SLC6A19: variants seen among roughly 807,000 people sequenced by gnomAD.
SLC6A19 encodes the protein sodium-dependent neutral amino acid transporter B(0)AT1.
A neutral mutation model predicts 68.3 loss-of-function variants in SLC6A19; 67 were observed. That is an observed-to-expected ratio of 0.98 (90% confidence interval 0.81 to 1.20). The LOEUF (loss-of-function observed/expected upper bound fraction) is 1.20. SLC6A19 is among the 50% of genes most tolerant of loss of function. SLC6A19 has a pLI of 0.00. For synonymous variants in SLC6A19, 392 were observed against 374.9 expected, an observed-to-expected ratio of 1.05 and a Z score of -0.53; for missense variants, 813 against 851.6, an observed-to-expected ratio of 0.95 and a Z score of 0.56.
In SLC6A19 at chr5:1,213,989, G is replaced by A. The variant is rs373886749; in HGVS notation, c.811G>A (p.Ala271Thr). The A allele has an allele frequency of 2.7e-5, 43 of 1,613,468 alleles. No homozygotes were observed. Among genetic ancestry groups the A allele is most frequent in the Non-Finnish European group, 3.4e-5 (40 of 1,180,012 alleles). Residue 271 changes from alanine (A) to threonine (T), a missense_variant, in exon 6 of 12, where the codon GCG becomes ACG. Transcript: ENST00000304460. ...ELAQPDTWLD[A>T]GAQVFFSFSL... ...GGCCCAGCCGGACACCTGGCTGGAC[G>A]CGGGCGCACAGGTCTTCTTCTCCTT... is the stretch of plus-strand genomic sequence containing the variant.
intron 1 of SLC6A19, among the ~76,000 whole-genome samples, chr5:1,202,949 TTGG>T: frequency 6.6e-6 from 1 of 152,110 alleles, no homozygotes; most frequent in South Asian, 2.1e-4. Flanking sequence ...TCGGGGGACC[TTGG>T]CCACTCCGAT....
At position 1,221,304 on chromosome 5, in the gene SLC6A19, C is replaced by A. The variant is rs1252243762; in HGVS notation, c.1692C>A (p.Asp564Glu). 5.0e-6 allele frequency: 8 copies of A among 1,613,590 alleles called. No individual in the cohort carries two copies. The East Asian group carries it at 1.8e-4, about 36-fold the overall frequency. Residue 564 changes from aspartate to glutamate, a missense_variant, in exon 11 of 12, where the codon GAC becomes GAA. Transcript: ENST00000304460. Reference protein sequence around the residue: ...VSQELTYSIWDPGYEEFPKSQ... With the variant: ...VSQELTYSIWEPGYEEFPKSQ... ...AGGAGCTGACCTACAGCATCTGGGA[C>A]CCTGGCTACGTAAGTGTCCAGGCAG...
chr5:1,215,896 A>G lies in SLC6A19; in HGVS notation c.888-662A>G, dbSNP rs138237686. 1.3e-5 allele frequency among the ~76,000 whole-genome samples: 2 copies of G among 152,212 alleles called. No individual in the cohort carries two copies. Among genetic ancestry groups the G allele is most frequent in the Non-Finnish European group, 2.9e-5 (2 of 68,010 alleles). On this transcript the variant is annotated intron_variant, in intron 6 of 11. Transcript: ENST00000304460. The surrounding 1 kb of genome is among the most constrained non-coding windows in gnomAD (Gnocchi z 5.1). ...CCCCGTATCCTCACCAACACTTGTT[A>G]TTGTCTGACTTTTGTTTCTGGCCAT...
rs1746163503 is a variant in SLC6A19 at position 1,214,855 on chromosome 5, C to T, written c.887+790C>T. Among the ~76,000 whole-genome samples, 1 of 99,754 alleles carries T rather than the reference C, an allele frequency of 1.0e-5. No individual in the cohort carries two copies. Among genetic ancestry groups the T allele is most frequent in the Non-Finnish European group, 2.0e-5 (1 of 49,218 alleles). 65.4% of individuals were successfully genotyped at this position (99,754 alleles called of 152,430 possible). A position where few individuals can be genotyped will look rare whatever the true frequency, so the allele number is the denominator to read the frequency against. On this transcript the variant is annotated intron_variant, in intron 6 of 11. Transcript: ENST00000304460. This position sits in a 1 kb window ranked among gnomAD's most constrained non-coding sequence, Gnocchi z 7.4. Reference sequence around the variant, plus strand: ...GGGTGGGGCCTAGACTGGACGGGGGCCTGGGTAGGGAGGGTGGGCCCTGGG... The same window carrying T: ...GGGTGGGGCCTAGACTGGACGGGGGTCTGGGTAGGGAGGGTGGGCCCTGGG...
At position 1,209,303 on chromosome 5, in the gene SLC6A19, G is replaced by A. The variant is rs1349482755; in HGVS notation, c.343+417G>A. On this transcript the variant is annotated intron_variant, in intron 2 of 11. Coordinates refer to ENST00000304460, the MANE Select transcript of SLC6A19 (RefSeq NM_001003841.3). This position sits in a 1 kb window ranked among gnomAD's most constrained non-coding sequence, Gnocchi z 5.5. ...CCCAGACATAGTCACTCATTTATAA[G>A]CTCTGGGGCCCAGGAGCAGACCCAG... Among the ~76,000 whole-genome samples, 1 of 152,150 alleles carries A rather than the reference G, an allele frequency of 6.6e-6. No individual in the cohort carries two copies. The highest frequency in any genetic ancestry group is 1.5e-5 in the Non-Finnish European group (1 of 68,018).
chr5:1,201,907 C>A, intron 1 of SLC6A19, 55 bp downstream of exon 1: 1 of 1,565,388 alleles, frequency 6.4e-7, no homozygotes, highest in Non-Finnish European at 8.6e-7. Flanking sequence ...AGCACAGACA[C>A]ACGCAGAGGC....
intron 1 of SLC6A19, among the ~76,000 whole-genome samples, chr5:1,204,915 GA>G (rs199702903): frequency 4.0e-5 from 5 of 124,402 alleles, no homozygotes; most frequent in African/African-American, 1.3e-4. Flanking sequence ...GCTGGAGAGA[GA>G]AAAAAGGGGA....
rs1746057182 is a variant in SLC6A19, at chr5:1,212,162, C to G, written c.482-141C>G. On this transcript the variant is annotated intron_variant, in intron 3 of 11. Transcript: ENST00000304460. The surrounding 1 kb of genome is among the most constrained non-coding windows in gnomAD (Gnocchi z 5.1). Reference sequence around the variant, plus strand: ...TGTGCGTGCACGTGAGCATGTGTGCCTGTGTTCATGTGCACGTGTGGGCGT... The same window carrying G: ...TGTGCGTGCACGTGAGCATGTGTGCGTGTGTTCATGTGCACGTGTGGGCGT... 2 of 955,934 alleles carry G rather than the reference C, an allele frequency of 2.1e-6. No homozygotes were observed. The highest frequency in any genetic ancestry group is 3.3e-6 in the Non-Finnish European group (2 of 611,414). 59.2% of individuals were successfully genotyped at this position (955,934 alleles called of 1,614,324 possible).
At chr5:1,216,996 C>G in intron 8 of SLC6A19, 51 bp downstream of exon 8, 1 of 1,609,756 alleles carries the variant, frequency 6.2e-7, no homozygotes, top group Non-Finnish European at 8.5e-7. Context: ...CTTGCTGGCA[C>G]CTCAGAGTCC....
intron 8 of SLC6A19, among the ~76,000 whole-genome samples, chr5:1,217,956 C>T (rs1746252868): frequency 6.6e-6 from 1 of 152,174 alleles, no homozygotes; most frequent in Admixed American, 6.5e-5. Flanking sequence ...GCAGGGCTGC[C>T]CTCGGCAGTG....
chr5:1,212,368 A>C lies in SLC6A19; in HGVS notation c.547A>C (p.Ile183Leu), dbSNP rs375770616. The change falls in exon 4 of 12, where the codon ATC becomes CTC. Residue 183 changes from isoleucine (I) to leucine (L), a missense_variant. By Grantham distance (5) the Ile-to-Leu change is conservative (BLOSUM62 2). Transcript: ENST00000304460. The surrounding 1 kb of genome is among the most constrained non-coding windows in gnomAD (Gnocchi z 5.1). ...DYFWYRETLN[I>L]STSISDSGSI... ...CTTCTGGTACCGAGAGACGCTCAAC[A>C]TCTCCACGTCCATCAGCGACTCGGG... The C allele has an allele frequency of 2.5e-6, 4 of 1,613,424 alleles. No individual in the cohort carries two copies. The highest frequency in any genetic ancestry group is 1.7e-6 in the Non-Finnish European group (2 of 1,179,950).
chr5:1,216,430 G>C, intron 6 of SLC6A19, 128 bp from the exon 7 acceptor site: 2 of 1,383,084 alleles, frequency 1.4e-6, no homozygotes, highest in South Asian at 2.4e-5. Flanking sequence ...CTGCCTCCCC[G>C]TGTCACTCAG....
chr5:1,216,711 G>T, intron 7 of SLC6A19, 25 bp downstream of exon 7: 1 of 1,613,688 alleles, frequency 6.2e-7, no homozygotes, highest in Non-Finnish European at 8.5e-7. Context: ...CACCATCCTG[G>T]TGCCTTGGGC....
At chr5:1,203,316 C>A (rs1745766602) in intron 1 of SLC6A19, among the ~76,000 whole-genome samples, 1 of 152,312 alleles carries the variant, frequency 6.6e-6, no homozygotes, top group African/African-American at 2.4e-5. Flanking sequence ...CACCCAGAGA[C>A]CAGCCGCTGT....
At chr5:1,211,419 G>A (rs893041320) in intron 3 of SLC6A19, among the ~76,000 whole-genome samples, 7 of 152,262 alleles carry the variant, frequency 4.6e-5, no homozygotes, top group African/African-American at 1.7e-4. Flanking sequence ...GCCCCAGCCC[G>A]GGAGCGCAAA....
At chr5:1,203,463 G>A (rs2126490354) in intron 1 of SLC6A19, among the ~76,000 whole-genome samples, 1 of 152,274 alleles carries the variant, frequency 6.6e-6, no homozygotes, top group African/African-American at 2.4e-5. Context: ...GGTGAGGAGG[G>A]CCGAGCAGGG....
chr5:1,212,380 A>C lies in SLC6A19; in HGVS notation c.559A>C (p.Ile187Leu), dbSNP rs1323137918. The C allele has an allele frequency of 6.2e-7, 1 of 1,613,362 alleles. No individual in the cohort carries two copies. The highest frequency in any genetic ancestry group is 1.3e-5 in the African/African-American group (1 of 74,874). Residue 187 changes from isoleucine to leucine, a missense_variant, in exon 4 of 12, where the codon ATC becomes CTC. Transcript: ENST00000304460. The surrounding 1 kb of genome is among the most constrained non-coding windows in gnomAD (Gnocchi z 5.1). ...AGAGACGCTCAACATCTCCACGTCC[A>C]TCAGCGACTCGGGCTCCATCCAGTG... ...YRETLNISTS[I>L]SDSGSIQWWM...
In SLC6A19 at chr5:1,212,855, T is replaced by C. The variant is rs1266865109; in HGVS notation, c.663+371T>C. ...GGAAGAGTAAGGCTTGATCTTCCCC[T>C]ACATGGGAATCTTTGGTACGAGGTC... On this transcript the variant is annotated intron_variant, in intron 4 of 11. Transcript: ENST00000304460. The surrounding 1 kb of genome is among the most constrained non-coding windows in gnomAD (Gnocchi z 5.1). Among the ~76,000 whole-genome samples the C allele has an allele frequency of 1.3e-5, 2 of 152,094 alleles. No individual in the cohort carries two copies. Among genetic ancestry groups the C allele is most frequent in the South Asian group, 4.1e-4 (2 of 4,836 alleles).
At chr5:1,211,757 C>A (rs576548107) in intron 3 of SLC6A19, among the ~76,000 whole-genome samples, 2 of 149,764 alleles carry the variant, frequency 1.3e-5, no homozygotes, top group Admixed American at 6.7e-5. Context: ...CGCTTGTGTG[C>A]TGTGTGTGTA....
Sources: gnomAD v4.1 joint callset for allele counts (sites outside exome capture counted in the v4.1 genomes callset) on GRCh38, gnomAD v4.1.1 for gene constraint, Gnocchi (gnomAD v3.1) non-coding constraint, MANE v1.5 for transcripts, NCBI Gene and HGNC (gene_info 2026-07-23, HGNC 2026-07-21) for gene names.